Variants in ZNRF1 observed in about 807,000 individuals in gnomAD.
ZNRF1 encodes E3 ubiquitin-protein ligase ZNRF1.
Under a neutral mutation model 18.4 loss-of-function variants are expected in ZNRF1, and 3 were observed. The observed-to-expected ratio is 0.16, with a 90% CI of 0.07 to 0.42. The LOEUF is 0.42. ZNRF1 is among the 10% of genes least tolerant of loss of function. ZNRF1 has a pLI of 0.99. For synonymous variants in ZNRF1, 157 were observed against 144.2 expected, an observed-to-expected ratio of 1.09 and a Z score of -0.64; for missense variants, 310 against 329.8, an observed-to-expected ratio of 0.94 and a Z score of 0.47.
At chr16:75,021,161 C>G (rs1424915371) in intron 1 of ZNRF1, among the ~76,000 whole-genome samples, 1 of 152,204 alleles carries the variant, frequency 6.6e-6, no homozygotes, top group African/African-American at 2.4e-5. Flanking sequence ...CTGCCTCAGC[C>G]TCGCAAGTAG....
rs1465412697 is a variant in ZNRF1, at chr16:75,107,962, T to A, written c.*262T>A. The A allele has an allele frequency of 2.8e-6, 1 of 353,682 alleles. No individual in the cohort carries two copies. Among genetic ancestry groups the A allele is most frequent in the Non-Finnish European group, 5.7e-6 (1 of 176,204 alleles). 21.9% of individuals were successfully genotyped at this position (353,682 alleles called of 1,614,324 possible). A position where few individuals can be genotyped will look rare whatever the true frequency, so the allele number is the denominator to read the frequency against. On this transcript the variant is annotated 3_prime_UTR_variant, in exon 5 of 5. Transcript: ENST00000335325. ...CAGGAGGGAAAGGGCATTTTCTTTTTCATCTTTGAAAGGCATTGTGGGTCT... is the reference window on the plus strand; with the variant it reads ...CAGGAGGGAAAGGGCATTTTCTTTTACATCTTTGAAAGGCATTGTGGGTCT...
At chr16:75,006,389 T>G (rs780784893) in intron 1 of ZNRF1, among the ~76,000 whole-genome samples, 10 of 152,180 alleles carry the variant, frequency 6.6e-5, no homozygotes, top group Non-Finnish European at 2.9e-5. Flanking sequence ...TTCTAGAATC[T>G]TGAAGTTAGC....
intron 1 of ZNRF1, among the ~76,000 whole-genome samples, chr16:75,021,016 G>A (rs529156541): frequency 3.9e-5 from 6 of 152,142 alleles, no homozygotes; most frequent in African/African-American, 1.2e-4. Flanking sequence ...GCTGTGGATC[G>A]GTATTACAAT....
intron 2 of ZNRF1, among the ~76,000 whole-genome samples, chr16:75,097,295 G>A (rs986940408): frequency 4.6e-5 from 7 of 152,142 alleles, no homozygotes; most frequent in Non-Finnish European, 8.8e-5. Context: ...CTGTGGAGTC[G>A]TGGAGATGAC....
Position 74,999,929 on chromosome 16 carries a change from C to G in ZNRF1, c.258C>G (p.Pro86=), listed in dbSNP as rs766342843. The change falls in exon 1 of 5, where the codon CCC becomes CCG. Residue 86 remains proline (P), a synonymous_variant. Transcript: ENST00000335325. ...SRGTGDSERA[P]GGGGSASDST... is the part of the protein sequence containing the mutation. ...GCACCGGCGACTCCGAGAGGGCGCC[C>G]GGCGGCGGAGGGTCTGCGTCCGACT... is the stretch of plus-strand genomic sequence containing the variant. 1.7e-5 allele frequency: 27 copies of G among 1,561,664 alleles called. No individual in the cohort carries two copies. The highest frequency in any genetic ancestry group is 2.2e-5 in the Non-Finnish European group (25 of 1,154,902).
At chr16:75,003,370 C>G (rs1425225650) in intron 1 of ZNRF1, among the ~76,000 whole-genome samples, 2 of 152,236 alleles carry the variant, frequency 1.3e-5, no homozygotes, top group African/African-American at 2.4e-5. Context: ...GTTCCTTGAT[C>G]TCTGTTGTGG....
chr16:75,103,797 C>T (rs1228856508), intron 2 of ZNRF1, among the ~76,000 whole-genome samples: 1 of 152,122 alleles, frequency 6.6e-6, no homozygotes. Flanking sequence ...CCAGCCCGGC[C>T]AACATGGTGA....
chr16:75,106,686 G>C, intron 4 of ZNRF1, 115 bp downstream of exon 4: 1 of 739,964 alleles, frequency 1.4e-6, no homozygotes. Context: ...AGCAGGAGCA[G>C]AGGGAAGGAG....
chr16:75,040,464 G>A (rs115580830), intron 1 of ZNRF1, among the ~76,000 whole-genome samples: 3 of 151,786 alleles, frequency 2.0e-5, no homozygotes, highest in Admixed American at 6.6e-5. Flanking sequence ...GTCAATCTCT[G>A]CTCCCCACCG....
chr16:75,052,897 A>G (rs568991805), intron 1 of ZNRF1, among the ~76,000 whole-genome samples: 27 of 152,334 alleles, frequency 1.8e-4, no homozygotes, highest in Admixed American at 1.5e-3. Context: ...GTGGAACACA[A>G]ACTTACAGAG....
intron 1 of ZNRF1, among the ~76,000 whole-genome samples, chr16:75,091,575 C>T (rs1209193098): frequency 1.3e-5 from 2 of 150,492 alleles, no homozygotes; most frequent in African/African-American, 4.9e-5. Context: ...CTCTGTCCCC[C>T]AGGCTGGAGT....
intron 2 of ZNRF1, among the ~76,000 whole-genome samples, chr16:75,098,237 G>A (rs562855960): frequency 4.7e-4 from 71 of 152,296 alleles, no homozygotes; most frequent in Middle Eastern, 3.4e-3. Context: ...GAGCGAAAGC[G>A]ACTAGGGGAG....
At chr16:75,035,541 A>G (rs1377699709) in intron 1 of ZNRF1, among the ~76,000 whole-genome samples, 1 of 152,150 alleles carries the variant, frequency 6.6e-6, no homozygotes, top group Non-Finnish European at 1.5e-5. Flanking sequence ...ACTGAAGCAA[A>G]TTTTAGAGCA....
intron 1 of ZNRF1, among the ~76,000 whole-genome samples, chr16:75,029,136 ATTTTAT>A (rs371654322): frequency 7.3e-5 from 9 of 123,048 alleles, no homozygotes; most frequent in Non-Finnish European, 1.1e-4. Context: ...TTATTATTTT[ATTTTAT>A]TTTTATTTTT....
At chr16:75,085,821 A>AGAGAGAGT (rs777816759) in intron 1 of ZNRF1, among the ~76,000 whole-genome samples, 1 of 146,238 alleles carries the variant, frequency 6.8e-6, no homozygotes, top group African/African-American at 2.6e-5. Flanking sequence ...AGAGAGAGTG[A>AGAGAGAGT]GTGTGTGTGT....
At chr16:75,007,214 C>T (rs1014706698) in intron 1 of ZNRF1, among the ~76,000 whole-genome samples, 2 of 151,588 alleles carry the variant, frequency 1.3e-5, no homozygotes, top group Non-Finnish European at 2.9e-5. Context: ...GATGCCGCTA[C>T]GCCTGGCTAA....
rs1295302804 is a variant in ZNRF1 at position 75,110,669 on chromosome 16, G to A, written c.*2969G>A. ...GTGTACTTGTTCTTTCAACTTTTCT[G>A]TATGTTTGGAATTTTTCTTAATAAA... On this transcript the variant is annotated 3_prime_UTR_variant, in exon 5 of 5. Transcript: ENST00000335325. 6.6e-6 allele frequency: 1 copy of A among 152,370 alleles called. No individual in the cohort carries two copies. The highest frequency in any genetic ancestry group is 2.1e-4 in the South Asian group (1 of 4,832). 9.4% of individuals were successfully genotyped at this position (152,370 alleles called of 1,614,324 possible).
In ZNRF1 at chr16:75,104,908, G is replaced by T. The variant is rs1377427019; in HGVS notation, c.626+19G>T. Reference sequence around the variant, plus strand: ...ACAAAAGGTAGGAGGGGTTGGCAAGGTAGCTTAGTGCACCCCACCTCCCAG... The same window carrying T: ...ACAAAAGGTAGGAGGGGTTGGCAAGTTAGCTTAGTGCACCCCACCTCCCAG... On this transcript the variant is annotated intron_variant, in intron 3 of 4. Transcript: ENST00000335325. 6.4e-7 allele frequency: 1 copy of T among 1,567,350 alleles called. No individual in the cohort carries two copies. The highest frequency in any genetic ancestry group is 8.7e-7 in the Non-Finnish European group (1 of 1,152,450).
chr16:75,030,868 C>T (rs1475154069), intron 1 of ZNRF1, among the ~76,000 whole-genome samples: 2 of 140,726 alleles, frequency 1.4e-5, no homozygotes, highest in African/African-American at 5.6e-5. Context: ...TAAGACGGAG[C>T]CTCGCTCTGT....
Sources: allele counts gnomAD v4.1 joint callset (sites outside exome capture counted in the v4.1 genomes callset), GRCh38; gene constraint gnomAD v4.1.1; transcripts MANE v1.5; gene names NCBI Gene and HGNC (gene_info 2026-07-23, HGNC 2026-07-21).